Variants in FGGY observed in about 807,000 individuals in gnomAD.
FGGY encodes FGGY carbohydrate kinase domain-containing protein.
Under a neutral mutation model 71.3 loss-of-function variants are expected in FGGY, and 72 were observed. The ratio of observed to expected loss-of-function variants is 1.01; its 90% CI spans 0.84 to 1.23. The LOEUF is 1.23. FGGY is among the 50% of genes most tolerant of loss of function. The pLI is 0.00. For missense variants in FGGY, 668 were observed against 682.3 expected (o/e 0.98, Z 0.23); for synonymous variants, 251 against 250.3 (o/e 1.00, Z -0.02).
Position 59,517,254 on chromosome 1 carries a change from CTTTTTTTTTTTTTT to C in FGGY, c.799+4831_799+4844del, listed in dbSNP as rs57951011. Among the ~76,000 whole-genome samples, 45 of 87,628 alleles carry C rather than the reference CTTTTTTTTTTTTTT, an allele frequency of 5.1e-4. 1 individual carries two copies. Among genetic ancestry groups the C allele is most frequent in the Non-Finnish European group, 8.0e-4 (39 of 48,784 alleles). 57.5% of individuals were successfully genotyped at this position (87,628 alleles called of 152,430 possible). On this transcript the variant is annotated intron_variant, in intron 7 of 15. Transcript: ENST00000303721. ...TCAGGCCCTTCTCTTCTCAGTTGCT[CTTTTTTTTTTTTTT>C]TTTTTTTTTTTTTTTGAGACGGAGT...
At chr1:59,666,743 C>T (rs1481093844) in intron 12 of FGGY, among the ~76,000 whole-genome samples, 1 of 152,096 alleles carries the variant, frequency 6.6e-6, no homozygotes, top group Non-Finnish European at 1.5e-5. Context: ...GTAATTTTAG[C>T]CCTTAGCCAC....
At chr1:59,479,730 G>T (rs2093401906) in intron 6 of FGGY, among the ~76,000 whole-genome samples, 1 of 152,150 alleles carries the variant, frequency 6.6e-6, no homozygotes, top group African/African-American at 2.4e-5. Context: ...TCGGGGAAAA[G>T]ATGATTAGAG....
At chr1:59,518,387 T>C (rs2094723175) in intron 7 of FGGY, among the ~76,000 whole-genome samples, 1 of 152,214 alleles carries the variant, frequency 6.6e-6, no homozygotes, top group Admixed American at 6.5e-5. Flanking sequence ...AAGTAGTATA[T>C]ATACTAAATG....
intron 5 of FGGY, among the ~76,000 whole-genome samples, chr1:59,403,466 CAGATTCTAGTCTGTAGTAGCAA>C (rs1239494725): frequency 1.3e-5 from 2 of 152,274 alleles, no homozygotes; most frequent in East Asian, 3.9e-4. Context: ...AAGAGTCTGG[CAGATTCTAGTCTGTAGTAGCAA>C]AATGAAGAGC....
At chr1:59,366,467 C>T (rs1309418425) in intron 4 of FGGY, among the ~76,000 whole-genome samples, 1 of 152,122 alleles carries the variant, frequency 6.6e-6, no homozygotes, top group African/African-American at 2.4e-5. Context: ...AGGTCCCAAA[C>T]CCTTTCCCCG....
intron 6 of FGGY, among the ~76,000 whole-genome samples, chr1:59,489,279 A>T (rs912908480): frequency 9.9e-5 from 15 of 152,242 alleles, no homozygotes; most frequent in African/African-American, 3.6e-4. Context: ...ATTGTTAACT[A>T]TAGTTATTCT....
intron 11 of FGGY, among the ~76,000 whole-genome samples, chr1:59,643,816 C>T (rs1043491300): frequency 6.6e-6 from 1 of 152,154 alleles, no homozygotes; most frequent in African/African-American, 2.4e-5. Context: ...GAAGCTGGCA[C>T]CAAATAATTG....
chr1:59,360,554 C>T (rs527428806), intron 4 of FGGY, among the ~76,000 whole-genome samples: 1 of 152,276 alleles, frequency 6.6e-6, no homozygotes, highest in African/African-American at 2.4e-5. Flanking sequence ...CAATTCAGTT[C>T]ACTTATGGGC....
At chr1:59,588,134 C>A (rs2096348060) in intron 8 of FGGY, among the ~76,000 whole-genome samples, 1 of 152,088 alleles carries the variant, frequency 6.6e-6, no homozygotes, top group Non-Finnish European at 1.5e-5. Context: ...GGCTCGAGAA[C>A]TACGTGAAGA....
At chr1:59,380,444 C>G (rs2059272047) in intron 5 of FGGY, among the ~76,000 whole-genome samples, 1 of 151,580 alleles carries the variant, frequency 6.6e-6, no homozygotes, top group Non-Finnish European at 1.5e-5. Flanking sequence ...TCTCCACATC[C>G]TCTCCGGCAC....
At position 59,375,529 on chromosome 1, in the gene FGGY, A is replaced by C. The variant is rs574395894; in HGVS notation, c.466-3220A>C. Among the ~76,000 whole-genome samples, 4 of 152,198 alleles carry C rather than the reference A, an allele frequency of 2.6e-5. No homozygotes were observed. In the East Asian group the frequency reaches 7.7e-4, roughly 29 times the overall value. On this transcript the variant is annotated intron_variant, in intron 4 of 15. Coordinates refer to ENST00000303721, the MANE Select transcript of FGGY (RefSeq NM_018291.5). ...GTTATTTCTAGTTGCTCATCCCACAAATATTTGTTGAATTACTAGACAAAC... is the reference window on the plus strand; with the variant it reads ...GTTATTTCTAGTTGCTCATCCCACACATATTTGTTGAATTACTAGACAAAC...
intron 7 of FGGY, among the ~76,000 whole-genome samples, chr1:59,539,540 G>A (rs1450988564): frequency 5.3e-5 from 8 of 152,146 alleles, no homozygotes; most frequent in Non-Finnish European, 7.4e-5. Context: ...GTACCCTGCC[G>A]ATTGGTTATC....
chr1:59,587,661 A>T (rs1273454649), intron 8 of FGGY, among the ~76,000 whole-genome samples: 2 of 152,184 alleles, frequency 1.3e-5, no homozygotes, highest in East Asian at 3.9e-4. Flanking sequence ...TTCTGCAGCC[A>T]CTGTTGCTGT....
chr1:59,597,492 A>G (rs1331091987), intron 8 of FGGY, among the ~76,000 whole-genome samples: 2 of 152,156 alleles, frequency 1.3e-5, no homozygotes, highest in African/African-American at 2.4e-5. Context: ...TAATCAAGAT[A>G]GTGTCAAGTC....
intron 4 of FGGY, among the ~76,000 whole-genome samples, chr1:59,347,780 C>G (rs1249719051): frequency 6.6e-6 from 1 of 152,108 alleles, no homozygotes; most frequent in Non-Finnish European, 1.5e-5. Context: ...TGGATCCCTT[C>G]CTTACACCTT....
At chr1:59,455,492 G>A (rs1290591840) in intron 5 of FGGY, among the ~76,000 whole-genome samples, 1 of 152,220 alleles carries the variant, frequency 6.6e-6, no homozygotes, top group Non-Finnish European at 1.5e-5. Context: ...TGACTGTGGA[G>A]ATGGACACAG....
chr1:59,674,209 T>C (rs993181559), intron 14 of FGGY, 76 bp downstream of exon 14: 4 of 1,046,998 alleles, frequency 3.8e-6, no homozygotes, highest in Non-Finnish European at 1.4e-6. Flanking sequence ...GCAGCTCGCA[T>C]TTTACAAAAT....
At chr1:59,313,757 A>C (rs1182425798) in intron 1 of FGGY, among the ~76,000 whole-genome samples, 1 of 152,204 alleles carries the variant, frequency 6.6e-6, no homozygotes, top group Non-Finnish European at 1.5e-5. Flanking sequence ...CTAAGCTATG[A>C]GGATGCAAAG....
At chr1:59,614,932 C>T (rs1162245589) in intron 9 of FGGY, among the ~76,000 whole-genome samples, 1 of 152,152 alleles carries the variant, frequency 6.6e-6, no homozygotes, top group Non-Finnish European at 1.5e-5. Context: ...CCTAGGAATC[C>T]AACTTACAAG....
Sources: gnomAD v4.1 joint callset for allele counts (sites outside exome capture counted in the v4.1 genomes callset) on GRCh38, gnomAD v4.1.1 for gene constraint, MANE v1.5 for transcripts, NCBI Gene and HGNC (gene_info 2026-07-23, HGNC 2026-07-21) for gene names.